PLPPR1: variants seen among roughly 807,000 people sequenced by gnomAD.
PLPPR1 encodes phospholipid phosphatase related 1.
PLPPR1 carries 10 observed loss-of-function variants against 33.1 expected under a neutral mutation model. The ratio of observed to expected loss-of-function variants is 0.30; its 90% confidence interval spans 0.19 to 0.51. The LOEUF (loss-of-function observed/expected upper bound fraction) is 0.51, where lower values mean the gene tolerates loss of function less well. Among genes scored for constraint, PLPPR1 ranks in the 20% least tolerant of loss-of-function variants. The pLI, the probability that PLPPR1 is intolerant of heterozygous loss-of-function variation, is 0.97. For missense variants in PLPPR1, 304 were observed against 408.1 expected, an observed-to-expected ratio of 0.74 and a Z score of 2.20; for synonymous variants, 151 against 151.0, an observed-to-expected ratio of 1.00 and a Z score of 0.00.
At chr9:101,080,615 C>T (rs1201320340) in intron 1 of PLPPR1, among the ~76,000 whole-genome samples, 1 of 152,198 alleles carries the variant, frequency 6.6e-6, no homozygotes, top group Non-Finnish European at 1.5e-5. Context: ...ATATCAATAT[C>T]TTTAGAATTT....
intron 1 of PLPPR1, among the ~76,000 whole-genome samples, chr9:101,034,147 T>C (rs563581059): frequency 6.6e-6 from 1 of 151,518 alleles, no homozygotes; most frequent in South Asian, 2.1e-4. Context: ...GTACAGTGAG[T>C]CTCAAGTGCA....
At chr9:101,154,675 C>A (rs1285802871) in intron 1 of PLPPR1, among the ~76,000 whole-genome samples, 1 of 151,946 alleles carries the variant, frequency 6.6e-6, no homozygotes, top group Non-Finnish European at 1.5e-5. Flanking sequence ...ATGTTTATTG[C>A]AGCACTGTTC....
chr9:101,235,762 C>G lies in PLPPR1; in HGVS notation c.64-34118C>G, dbSNP rs545075537. Among the ~76,000 whole-genome samples, 12 of 151,860 alleles carry G rather than the reference C, an allele frequency of 7.9e-5. No homozygotes were observed. The South Asian group carries it at 1.9e-3, about 24-fold the overall frequency. Reference sequence around the variant, plus strand: ...AACATAAACCTCTCACTTACAGGCACAGTATTCACCAGCTTCCTCTGAAAA... The same window carrying G: ...AACATAAACCTCTCACTTACAGGCAGAGTATTCACCAGCTTCCTCTGAAAA... On this transcript the variant is annotated intron_variant, in intron 2 of 7. Coordinates refer to ENST00000374874, the MANE Select transcript of PLPPR1 (RefSeq NM_207299.2).
chr9:101,066,745 C>A (rs1208086862), intron 1 of PLPPR1, among the ~76,000 whole-genome samples: 1 of 151,908 alleles, frequency 6.6e-6, no homozygotes, highest in Non-Finnish European at 1.5e-5. Flanking sequence ...AAAAGGTGTT[C>A]CAAACTCATC....
At chr9:101,082,472 T>C (rs1830632361) in intron 1 of PLPPR1, among the ~76,000 whole-genome samples, 1 of 152,168 alleles carries the variant, frequency 6.6e-6, no homozygotes, top group African/African-American at 2.4e-5. Context: ...CCTGTGAAGT[T>C]CACCTTAGGT....
At chr9:101,243,367 A>C (rs1018818397) in intron 2 of PLPPR1, among the ~76,000 whole-genome samples, 26 of 152,070 alleles carry the variant, frequency 1.7e-4, no homozygotes, top group Admixed American at 1.1e-3. Context: ...GAATCTAGCT[A>C]AGAGACTTGT....
chr9:101,049,555 T>C (rs1830193944), intron 1 of PLPPR1, among the ~76,000 whole-genome samples: 1 of 152,262 alleles, frequency 6.6e-6, no homozygotes, highest in Non-Finnish European at 1.5e-5. Context: ...GTTCTCACAG[T>C]ATCAATATAC....
At chr9:101,058,343 CAT>C (rs991476010) in intron 1 of PLPPR1, among the ~76,000 whole-genome samples, 3 of 143,864 alleles carry the variant, frequency 2.1e-5, no homozygotes, top group African/African-American at 7.7e-5. Flanking sequence ...GCCCACCAAA[CAT>C]ATCTGAGTGA....
intron 1 of PLPPR1, among the ~76,000 whole-genome samples, chr9:101,049,339 C>T (rs970052216): frequency 2.2e-4 from 34 of 152,094 alleles, no homozygotes; most frequent in Admixed American, 7.2e-4. Flanking sequence ...AAATGCTTAA[C>T]AAGAAGACAT....
intron 1 of PLPPR1, among the ~76,000 whole-genome samples, chr9:101,115,680 A>G (rs1831109909): frequency 6.6e-6 from 1 of 152,226 alleles, no homozygotes; most frequent in African/African-American, 2.4e-5. Flanking sequence ...TGTGTGTATT[A>G]TGCCTTTATC....
At chr9:101,031,999 G>A (rs1359617407) in intron 1 of PLPPR1, among the ~76,000 whole-genome samples, 1 of 152,094 alleles carries the variant, frequency 6.6e-6, no homozygotes, top group Non-Finnish European at 1.5e-5. Context: ...AGATCAAGAA[G>A]GTTTCTCAGA....
intron 1 of PLPPR1, among the ~76,000 whole-genome samples, chr9:101,079,776 C>T (rs1454737325): frequency 6.6e-6 from 1 of 152,116 alleles, no homozygotes; most frequent in Non-Finnish European, 1.5e-5. Flanking sequence ...GGCTTGGTTT[C>T]ACCATGTTGG....
chr9:101,073,443 C>T (rs567735694), intron 1 of PLPPR1, among the ~76,000 whole-genome samples: 26 of 151,470 alleles, frequency 1.7e-4, no homozygotes, highest in African/African-American at 6.3e-4. Flanking sequence ...GTGAACCATC[C>T]TATTGGTTTG....
At chr9:101,046,607 T>C (rs527722540) in intron 1 of PLPPR1, among the ~76,000 whole-genome samples, 1 of 152,000 alleles carries the variant, frequency 6.6e-6, no homozygotes, top group African/African-American at 2.4e-5. Context: ...GCCCAGCTAA[T>C]TTTTTTGTGT....
chr9:101,045,701 A>T (rs1489068071), intron 1 of PLPPR1, among the ~76,000 whole-genome samples: 4 of 152,230 alleles, frequency 2.6e-5, no homozygotes, highest in Non-Finnish European at 5.9e-5. Flanking sequence ...TGGACATAGT[A>T]TAGGATAATA....
At chr9:101,130,220 T>A (rs1831298073) in intron 1 of PLPPR1, among the ~76,000 whole-genome samples, 1 of 152,206 alleles carries the variant, frequency 6.6e-6, no homozygotes, top group Non-Finnish European at 1.5e-5. Flanking sequence ...GTACAGAAAC[T>A]ATTCTGCATC....
intron 4 of PLPPR1, among the ~76,000 whole-genome samples, chr9:101,305,070 G>C (rs1564032730): frequency 1.3e-5 from 2 of 152,090 alleles, no homozygotes; most frequent in Non-Finnish European, 2.9e-5. Flanking sequence ...TTGTTTTCTG[G>C]GGAGTCTAAA....
At chr9:101,246,192 T>C (rs563795183) in intron 2 of PLPPR1, among the ~76,000 whole-genome samples, 106 of 150,314 alleles carry the variant, frequency 7.1e-4, no homozygotes, top group Non-Finnish European at 1.4e-3. Context: ...TCTCCAGATA[T>C]GACACAGATT....
chr9:101,053,500 T>C (rs1168015681), intron 1 of PLPPR1, among the ~76,000 whole-genome samples: 1 of 152,170 alleles, frequency 6.6e-6, no homozygotes, highest in Admixed American at 6.5e-5. Flanking sequence ...ATCCCTTGAA[T>C]TTTATGTCCT....
Sources: gnomAD v4.1 joint callset for allele counts (sites outside exome capture counted in the v4.1 genomes callset) on GRCh38, gnomAD v4.1.1 for gene constraint, MANE v1.5 for transcripts, NCBI Gene and HGNC (gene_info 2026-07-23, HGNC 2026-07-21) for gene names.